Variants in ALG10 observed in about 807,000 individuals in gnomAD.
ALG10 encodes the protein dol-P-Glc:Glc(2)Man(9)GlcNAc(2)-PP-Dol alpha-1,2-glucosyltransferase A.
ALG10 carries 25 observed loss-of-function variants against 39.2 expected under a neutral mutation model. The observed-to-expected ratio is 0.64, with a 90% CI of 0.46 to 0.89. The LOEUF (loss-of-function observed/expected upper bound fraction) is 0.89, where lower values mean the gene tolerates loss of function less well. Among genes scored for constraint, ALG10 ranks in the 40% least tolerant of loss-of-function variants. The pLI is 0.00. For missense variants in ALG10, 486 were observed against 546.6 expected, an observed-to-expected ratio of 0.89 and a Z score of 1.11; for synonymous variants, 184 against 193.9, an observed-to-expected ratio of 0.95 and a Z score of 0.42.
At position 34,025,981 on chromosome 12, in the gene ALG10, C is replaced by A. The variant is rs769926406; in HGVS notation, c.488C>A (p.Ala163Glu). 6.2e-7 allele frequency: 1 copy of A among 1,613,728 alleles called. No individual in the cohort carries two copies. Among genetic ancestry groups the A allele is most frequent in the Non-Finnish European group, 8.5e-7 (1 of 1,179,936 alleles). The change falls in exon 3 of 3, where the codon GCG becomes GAG. Residue 163 changes from alanine (A) to glutamate (E), a missense_variant. Coordinates refer to ENST00000266483, the MANE Select transcript of ALG10 (RefSeq NM_032834.4). ...EAGSMFFTLF[A>E]YLMCLYGNHK... ...GGATCTATGTTTTTTACTCTTTTTG[C>A]GTATTTGATGTGTCTTTATGGAAAT...
rs1366042069 is a variant in ALG10, at chr12:34,027,945, TCTGTCTTCTCTTCA to T, written c.*1031_*1044del. The T allele has an allele frequency of 6.6e-6, 1 of 152,206 alleles. No individual in the cohort carries two copies. Among genetic ancestry groups the T allele is most frequent in the Non-Finnish European group, 1.5e-5 (1 of 68,048 alleles). 9.4% of individuals were successfully genotyped at this position (152,206 alleles called of 1,614,324 possible). ...CCTCTGTGTTCACACGGCCTTTCCC[TCTGTCTTCTCTTCA>T]TTACCTTTTAAGGACAGTGTCTTTG... On this transcript the variant is annotated 3_prime_UTR_variant, in exon 3 of 3. Coordinates refer to ENST00000266483, the MANE Select transcript of ALG10 (RefSeq NM_032834.4).
In ALG10 at chr12:34,028,282, T is replaced by A. The variant is rs1942857931; in HGVS notation, c.*1367T>A. The A allele has an allele frequency of 6.6e-6, 1 of 152,214 alleles. No individual in the cohort carries two copies. The highest frequency in any genetic ancestry group is 2.1e-4 in the South Asian group (1 of 4,832). 9.4% of individuals were successfully genotyped at this position (152,214 alleles called of 1,614,324 possible). On this transcript the variant is annotated 3_prime_UTR_variant, in exon 3 of 3. Transcript: ENST00000266483. ...AATATAATGTGGGATTAAATAAAGC[T>A]AATCTATCCATCACCTCAAATATTT...
intron 2 of ALG10, among the ~76,000 whole-genome samples, chr12:34,025,214 A>G (rs1218362039): frequency 1.3e-5 from 2 of 152,178 alleles, no homozygotes; most frequent in Admixed American, 1.3e-4. Flanking sequence ...GGTGATTTAG[A>G]TTAAGTGGAG....
At chr12:34,025,638 A>G (rs113613896) in intron 2 of ALG10, among the ~76,000 whole-genome samples, 74 of 152,300 alleles carry the variant, frequency 4.9e-4, no homozygotes, top group Non-Finnish European at 1.0e-3. Context: ...TTTGGCATAC[A>G]CATGGTCTCC....
chr12:34,026,905 T>G lies in ALG10; in HGVS notation c.1412T>G (p.Phe471Cys). 6.2e-7 allele frequency: 1 copy of G among 1,613,438 alleles called. No individual in the cohort carries two copies. Among genetic ancestry groups the G allele is most frequent in the Non-Finnish European group, 8.5e-7 (1 of 1,179,644 alleles). The change falls in exon 3 of 3, where the codon TTT becomes TGT. Residue 471 changes from phenylalanine to cysteine, a missense_variant. Phe to Cys is a radical substitution (Grantham distance 205). Coordinates refer to ENST00000266483, the MANE Select transcript of ALG10 (RefSeq NM_032834.4). ...CCAAATAGTCAGGACATTCAAAGGT[T>G]TATGTGGTAATATCAGTGATATTTC... ...QWPNSQDIQR[F>C]MW
Position 34,024,143 on chromosome 12 carries a change from T to C in ALG10, c.353T>C (p.Val118Ala). Residue 118 changes from valine (V) to alanine (A), a missense_variant, in exon 2 of 3, where the codon GTA (valine) becomes GCA (alanine). Val to Ala is a moderately conservative substitution (Grantham distance 64). Coordinates refer to ENST00000266483, the MANE Select transcript of ALG10 (RefSeq NM_032834.4). ...FYLLYLLFCK[V>A]QPRNKAASSI... ...TTACTATATTTGCTTTTCTGCAAGG[T>C]ACAACCCAGAAACAAGGTATGTTTC... 9.9e-6 allele frequency: 16 copies of C among 1,614,144 alleles called. No homozygotes were observed. Among genetic ancestry groups the C allele is most frequent in the Non-Finnish European group, 1.4e-5 (16 of 1,179,986 alleles).
rs1565603745 is a variant in ALG10 at position 34,026,744 on chromosome 12, C to T, written c.1251C>T (p.Tyr417=). 6 of 1,613,896 alleles carry T rather than the reference C, an allele frequency of 3.7e-6. No homozygotes were observed. Among genetic ancestry groups the T allele is most frequent in the Non-Finnish European group, 5.1e-6 (6 of 1,179,862 alleles). The change falls in exon 3 of 3, where the codon TAC becomes TAT. Residue 417 remains tyrosine, a synonymous_variant. Coordinates refer to ENST00000266483, the MANE Select transcript of ALG10 (RefSeq NM_032834.4). The stretch of plus-strand genomic sequence containing the variant: ...CTCAGAAACTGCTGGAATTTCGTTA[C>T]TTCATTTTACCTTATGTCATTTATA... ...IVPQKLLEFR[Y]FILPYVIYRL... is the part of the protein sequence containing the mutation.
chr12:34,026,365 T>G lies in ALG10; in HGVS notation c.872T>G (p.Leu291Arg). The change falls in exon 3 of 3, where the codon CTA (leucine) becomes CGA (arginine). Residue 291 changes from leucine (L) to arginine (R), a missense_variant. Leu to Arg is a moderately radical substitution (Grantham distance 102, BLOSUM62 -2). Transcript: ENST00000266483. ...GAAGCCTGTCTTCATTTTCCTCAAC[T>G]ATTCTACTTTTTTTCATTTACTCTC... Reference protein sequence around the residue: ...SHEACLHFPQLFYFFSFTLFF... With the variant: ...SHEACLHFPQRFYFFSFTLFF... 1 of 1,613,998 alleles carries G rather than the reference T, an allele frequency of 6.2e-7. No individual in the cohort carries two copies. Among genetic ancestry groups the G allele is most frequent in the South Asian group, 1.1e-5 (1 of 91,054 alleles).
At position 34,022,635 on chromosome 12, in the gene ALG10, C is replaced by G. The variant is rs1942789576; in HGVS notation, c.36C>G (p.Ala12=). 6.2e-7 allele frequency: 1 copy of G among 1,614,022 alleles called. No individual in the cohort carries two copies. The highest frequency in any genetic ancestry group is 1.3e-5 in the African/African-American group (1 of 74,902). Residue 12 remains alanine (A), a synonymous_variant, in exon 1 of 3, where the codon GCC becomes GCG. Transcript: ENST00000266483. The stretch of plus-strand genomic sequence containing the variant: ...TGGAAGGTTACTATTTCTCGGCCGC[C>G]TTGAGCTGTACCTTTTTAGTATCCT... The part of the protein sequence containing the change: ...AQLEGYYFSA[A]LSCTFLVSCL...
rs1942836333 is a variant in ALG10, at chr12:34,026,643, A to G, written c.1150A>G (p.Ile384Val). The G allele has an allele frequency of 6.2e-7, 1 of 1,613,966 alleles. No individual in the cohort carries two copies. The highest frequency in any genetic ancestry group is 8.5e-7 in the Non-Finnish European group (1 of 1,179,904). The change falls in exon 3 of 3, where the codon ATA becomes GTA. Residue 384 changes from isoleucine to valine, a missense_variant. Transcript: ENST00000266483. Reference protein sequence around the residue: ...VPAYIFAGWSIADSLKSKSIF... With the variant: ...VPAYIFAGWSVADSLKSKSIF... ...AGCCTATATATTTGCTGGTTGGAGT[A>G]TAGCTGACTCATTGAAATCAAAGTC...
Position 34,026,640 on chromosome 12 carries a change from A to C in ALG10, c.1147A>C (p.Ser383Arg). The change falls in exon 3 of 3, where the codon AGT (serine) becomes CGT (arginine). Residue 383 changes from serine to arginine, a missense_variant. Coordinates refer to ENST00000266483, the MANE Select transcript of ALG10 (RefSeq NM_032834.4). ...LVPAYIFAGWSIADSLKSKSI... is the reference protein window; with the variant it reads ...LVPAYIFAGWRIADSLKSKSI... ...TCCAGCCTATATATTTGCTGGTTGG[A>C]GTATAGCTGACTCATTGAAATCAAA... The C allele has an allele frequency of 6.2e-7, 1 of 1,613,904 alleles. No individual in the cohort carries two copies. The highest frequency in any genetic ancestry group is 8.5e-7 in the Non-Finnish European group (1 of 1,179,874).
chr12:34,022,876 C>T (rs1429773199), intron 1 of ALG10, 106 bp downstream of exon 1: 4 of 1,493,820 alleles, frequency 2.7e-6, no homozygotes, highest in East Asian at 2.3e-5. Flanking sequence ...CCCCCTCAAG[C>T]CTCAGAACAT....
chr12:34,025,355 AT>A lies in ALG10; in HGVS notation c.370-507del, dbSNP rs544669242. Among the ~76,000 whole-genome samples, 260 of 152,316 alleles carry A rather than the reference AT, an allele frequency of 1.7e-3. 2 individuals carry two copies. The highest frequency in any genetic ancestry group is 6.0e-3 in the African/African-American group (248 of 41,592). ...CCTGTTATTTCATCATGAAAATTTC[AT>A]CTTGAAAAAGTAAGTCTGGGTATGG... On this transcript the variant is annotated intron_variant, in intron 2 of 2. Transcript: ENST00000266483.
chr12:34,027,480 ATAAAG>A lies in ALG10; in HGVS notation c.*568_*572del, dbSNP rs1181877973. ...AATACAAATGCATAGATAGTAAATGATAAAGTAGAGACTCATATATGCCTGTCTAG... is the reference window on the plus strand; with the variant it reads ...AATACAAATGCATAGATAGTAAATGATAGAGACTCATATATGCCTGTCTAG... On this transcript the variant is annotated 3_prime_UTR_variant, in exon 3 of 3. Coordinates refer to ENST00000266483, the MANE Select transcript of ALG10 (RefSeq NM_032834.4). 24 of 152,766 alleles carry A rather than the reference ATAAAG, an allele frequency of 1.6e-4. No individual in the cohort carries two copies. The highest frequency in any genetic ancestry group is 5.0e-4 in the African/African-American group (21 of 41,590). The allele number at this position is 152,766 out of a possible 1,614,324, so 9.5% of individuals were successfully genotyped here.
chr12:34,026,665 A>T lies in ALG10; in HGVS notation c.1172A>T (p.Lys391Met). ...GWSIADSLKS[K>M]SIFWNLMFFI... is the part of the protein sequence containing the mutation. The stretch of plus-strand genomic sequence containing the variant: ...AGTATAGCTGACTCATTGAAATCAA[A>T]GTCAATTTTTTGGAATTTAATGTTT... The change falls in exon 3 of 3, where the codon AAG (lysine) becomes ATG (methionine). Residue 391 changes from lysine (K) to methionine (M), a missense_variant. Coordinates refer to ENST00000266483, the MANE Select transcript of ALG10 (RefSeq NM_032834.4). 8 of 1,613,870 alleles carry T rather than the reference A, an allele frequency of 5.0e-6. No homozygotes were observed. Among genetic ancestry groups the T allele is most frequent in the Non-Finnish European group, 5.9e-6 (7 of 1,179,872 alleles).
rs981664371 is a variant in ALG10 at position 34,022,907 on chromosome 12, T to G, written c.171+137T>G. The G allele has an allele frequency of 4.2e-6, 5 of 1,179,628 alleles. No homozygotes were observed. The African/African-American group carries it at 7.7e-5, about 18-fold the overall frequency. The allele number at this position is 1,179,628 out of a possible 1,614,324, so 73.1% of individuals were successfully genotyped here. On this transcript the variant is annotated intron_variant, in intron 1 of 2. Transcript: ENST00000266483. ...AACATGAAAGAAACTGGGTATAGTC[T>G]TTTGTTCCTGTCTCTGAGATCTGTG... is the stretch of plus-strand genomic sequence containing the variant.
At position 34,022,525 on chromosome 12, in the gene ALG10, C is replaced by A; in HGVS notation, c.-75C>A. 3.7e-6 allele frequency: 6 copies of A among 1,612,502 alleles called. No individual in the cohort carries two copies. The highest frequency in any genetic ancestry group is 5.1e-6 in the Non-Finnish European group (6 of 1,179,342). On this transcript the variant is annotated 5_prime_UTR_variant, in exon 1 of 3. Coordinates refer to ENST00000266483, the MANE Select transcript of ALG10 (RefSeq NM_032834.4). ...CCGCCTAGCGCGCCCATTTCGAGCC[C>A]AAGTTTCCAGCTCGGGTTTCCAGGC...
intron 2 of ALG10, 137 bp from the exon 3 acceptor site, chr12:34,025,726 A>C: frequency 8.9e-7 from 1 of 1,118,462 alleles, no homozygotes; most frequent in South Asian, 1.5e-5. Flanking sequence ...GCCAGAGATA[A>C]GATTAATATT....
In ALG10 at chr12:34,026,847, T is replaced by G. The variant is rs1942838838; in HGVS notation, c.1354T>G (p.Phe452Val). 1 of 1,613,846 alleles carries G rather than the reference T, an allele frequency of 6.2e-7. No homozygotes were observed. Among genetic ancestry groups the G allele is most frequent in the Non-Finnish European group, 8.5e-7 (1 of 1,179,812 alleles). ...SCYAVVNFIT[F>V]FIFLNKTFQW... ...CTATGCAGTTGTTAATTTCATAACT[T>G]TTTTCATCTTTCTGAACAAGACTTT... The change falls in exon 3 of 3, where the codon TTT becomes GTT. Residue 452 changes from phenylalanine to valine, a missense_variant. By Grantham distance (50) the Phe-to-Val change is conservative. Coordinates refer to ENST00000266483, the MANE Select transcript of ALG10 (RefSeq NM_032834.4).
Sources: allele counts gnomAD v4.1 joint callset (sites outside exome capture counted in the v4.1 genomes callset), GRCh38; gene constraint gnomAD v4.1.1; transcripts MANE v1.5; gene names NCBI Gene and HGNC (gene_info 2026-07-23, HGNC 2026-07-21).